Variants in TRMT44 observed in about 807,000 individuals in gnomAD.
The protein encoded by TRMT44 is tRNA methyltransferase 44 homolog, also known as probable tRNA (uracil-O(2)-)-methyltransferase.
A neutral mutation model predicts 77.3 loss-of-function variants in TRMT44; 78 were observed. That is an observed-to-expected ratio of 1.01 (90% CI 0.84 to 1.22). The LOEUF (loss-of-function observed/expected upper bound fraction) is 1.22, where lower values mean the gene tolerates loss of function less well. Among genes scored for constraint, TRMT44 ranks in the 50% most tolerant of loss-of-function variants. The probability of loss-of-function intolerance (pLI) is 0.00; values close to 1 mark genes in which losing one functional copy is unlikely to be tolerated. For missense variants in TRMT44, 1,090 were observed against 964.4 expected (o/e 1.13, Z -1.73); for synonymous variants, 391 against 383.3 (o/e 1.02, Z -0.23).
the TRMT44 span, among the ~76,000 whole-genome samples, chr4:8,508,490 T>G: frequency 6.6e-6 from 1 of 152,134 alleles, no homozygotes. Flanking sequence ...CCTCGTCCCC[T>G]CTGCTGGGCT....
the TRMT44 span, chr4:8,512,713 C>T: frequency 6.6e-6 from 1 of 152,146 alleles, no homozygotes; most frequent in African/African-American, 2.4e-5. Context: ...CGTCACCAGA[C>T]GTAGGGTGTC....
chr4:8,514,251 C>CTTTTTTT, the TRMT44 span, among the ~76,000 whole-genome samples: 1 of 114,282 alleles, frequency 8.8e-6, no homozygotes, highest in African/African-American at 3.3e-5. Context: ...GGGCTCTGAT[C>CTTTTTTT]TTTTTTTTTT....
Position 8,448,239 on chromosome 4 carries a change from G to A in TRMT44, c.735-1430G>A, listed in dbSNP as rs116540098. On this transcript the variant is annotated intron_variant, in intron 2 of 10. Coordinates refer to ENST00000389737, the MANE Select transcript of TRMT44 (RefSeq NM_152544.3). ...AACACAAATGAGGGGCTCCACTGTC[G>A]ATGTGCGTGCTTCTTCGCAGCTGGA... is the stretch of plus-strand genomic sequence containing the variant. Among the ~76,000 whole-genome samples the A allele has an allele frequency of 3.9e-3, 599 of 152,282 alleles. 3 individuals are homozygous for A. Among genetic ancestry groups the A allele is most frequent in the Non-Finnish European group, 4.8e-3 (329 of 68,024 alleles).
At chr4:8,449,631 C>T (rs1314155229) in intron 2 of TRMT44, 38 bp from the exon 3 acceptor site, 1 of 1,388,550 alleles carries the variant, frequency 7.2e-7, no homozygotes, top group Non-Finnish European at 9.8e-7. Flanking sequence ...AAGAATTGAA[C>T]ATATCTGTGC....
the TRMT44 span, chr4:8,511,906 T>C: frequency 6.6e-6 from 1 of 152,222 alleles, no homozygotes; most frequent in African/African-American, 2.4e-5. Flanking sequence ...ACTTCAAAGA[T>C]AGTCAATGAT....
rs1366893956 is a variant in TRMT44, at chr4:8,446,426, G to A, written c.620-50G>A. ...CTATTTTTAATACTGCTTCTGATGAGACGGTAGCTAGGCAGTTGTAATTTG... is the reference window on the plus strand; with the variant it reads ...CTATTTTTAATACTGCTTCTGATGAAACGGTAGCTAGGCAGTTGTAATTTG... On this transcript the variant is annotated intron_variant, in intron 1 of 10. Transcript: ENST00000389737. The surrounding 1 kb of genome is among the most constrained non-coding windows in gnomAD (Gnocchi z 4.3). 1.7e-6 allele frequency: 2 copies of A among 1,191,178 alleles called. No individual in the cohort carries two copies. Among genetic ancestry groups the A allele is most frequent in the Non-Finnish European group, 2.4e-6 (2 of 834,522 alleles). The allele number at this position is 1,191,178 out of a possible 1,614,324, so 73.8% of individuals were successfully genotyped here.
At chr4:8,511,524 GAC>G in the TRMT44 span, among the ~76,000 whole-genome samples, 1 of 152,090 alleles carries the variant, frequency 6.6e-6, no homozygotes, top group Admixed American at 6.5e-5. Context: ...TACCCCAAAA[GAC>G]ACAATCCCAA....
the TRMT44 span, among the ~76,000 whole-genome samples, chr4:8,512,855 G>T: frequency 1.3e-5 from 2 of 152,190 alleles, no homozygotes; most frequent in African/African-American, 4.8e-5. Context: ...GTGTAAAGTA[G>T]CCTGTGAGAT....
the TRMT44 span, among the ~76,000 whole-genome samples, chr4:8,516,406 C>A: frequency 6.6e-6 from 1 of 152,224 alleles, no homozygotes; most frequent in East Asian, 1.9e-4. Flanking sequence ...ATACTGATGA[C>A]TCATCTCCCT....
chr4:8,468,504 C>A, intron 9 of TRMT44, 158 bp downstream of exon 9: 1 of 709,030 alleles, frequency 1.4e-6, no homozygotes, highest in South Asian at 1.8e-5. Flanking sequence ...CAAGCAAATT[C>A]TTTAAAATTT....
chr4:8,510,361 G>C, the TRMT44 span: 1 of 152,776 alleles, frequency 6.5e-6, no homozygotes, highest in Admixed American at 6.5e-5. Flanking sequence ...GTCCCCCTTC[G>C]ATGGAGCTCT....
chr4:8,468,659 A>T (rs1042564427), intron 9 of TRMT44: 12 of 543,214 alleles, frequency 2.2e-5, no homozygotes, highest in African/African-American at 2.1e-4. Flanking sequence ...AAGAGAAAAC[A>T]GGTTACTGAG....
intron 1 of TRMT44, among the ~76,000 whole-genome samples, chr4:8,443,111 C>T (rs1023321653): frequency 6.6e-6 from 1 of 152,244 alleles, no homozygotes; most frequent in African/African-American, 2.4e-5. Context: ...CTGTCTGCCT[C>T]TGTGCCTTTG....
At position 8,455,978 on chromosome 4, in the gene TRMT44, C is replaced by T. The variant is rs933786866; in HGVS notation, c.1203+1165C>T. ...ATATGTCCTGAATGCATTAAATATA[C>T]GTACATACTAGTCTATTTTACCATT... On this transcript the variant is annotated intron_variant, in intron 6 of 10. Transcript: ENST00000389737. Among the ~76,000 whole-genome samples the T allele has an allele frequency of 3.3e-5, 5 of 152,060 alleles. 1 individual carries two copies. Among genetic ancestry groups the T allele is most frequent in the East Asian group, 1.9e-4 (1 of 5,196 alleles).
In TRMT44 at chr4:8,451,441, G is replaced by A. The variant is rs1560223163; in HGVS notation, c.955-519G>A. ...ACTAATTTTAATAATGAGAGCTCAT[G>A]TTTGCACAGCTAGTGCTTTACAGTT... On this transcript the variant is annotated intron_variant, in intron 3 of 10. Coordinates refer to ENST00000389737, the MANE Select transcript of TRMT44 (RefSeq NM_152544.3). The surrounding 1 kb of genome is among the most constrained non-coding windows in gnomAD (Gnocchi z 4.1). 6.6e-6 allele frequency among the ~76,000 whole-genome samples: 1 copy of A among 152,182 alleles called. No homozygotes were observed. The highest frequency in any genetic ancestry group is 1.9e-4 in the East Asian group (1 of 5,194).
At chr4:8,475,553 G>C (rs1727318882) in intron 10 of TRMT44, among the ~76,000 whole-genome samples, 1 of 152,140 alleles carries the variant, frequency 6.6e-6, no homozygotes, top group Non-Finnish European at 1.5e-5. Context: ...TTCCCGCAGG[G>C]CTCACCTTCC....
At chr4:8,462,574 G>A (rs1053782887) in intron 6 of TRMT44, among the ~76,000 whole-genome samples, 11 of 151,954 alleles carry the variant, frequency 7.2e-5, no homozygotes, top group Admixed American at 3.3e-4. Flanking sequence ...GTGTGGTGGC[G>A]GGTGCCTGTA....
At chr4:8,498,514 G>A (rs1245994341), downstream of TRMT44, among the ~76,000 whole-genome samples, 2 of 152,204 alleles carry the variant, frequency 1.3e-5, no homozygotes, top group Non-Finnish European at 2.9e-5. The surrounding 1 kb of genome is among the most constrained non-coding windows in gnomAD (Gnocchi z 4.3). Flanking sequence ...AAGCAGGCAT[G>A]TCTCCATATG....
chr4:8,477,438 C>CA (rs1399668990), downstream of TRMT44: 1 of 152,256 alleles, frequency 6.6e-6, no homozygotes, highest in Non-Finnish European at 1.5e-5. Context: ...GGGGCAGGCC[C>CA]CAGTTTGTCG....
Sources: gnomAD v4.1 joint callset for allele counts (sites outside exome capture counted in the v4.1 genomes callset) on GRCh38, gnomAD v4.1.1 for gene constraint, Gnocchi (gnomAD v3.1) non-coding constraint, MANE v1.5 for transcripts, NCBI Gene and HGNC (gene_info 2026-07-23, HGNC 2026-07-21) for gene names.